The following SLC30A8 variants were observed in gnomAD, a reference collection of about 807,000 sequenced individuals.
The protein encoded by SLC30A8 is proton-coupled zinc antiporter SLC30A8.
Under a neutral mutation model 36.9 loss-of-function variants are expected in SLC30A8, and 27 were observed. That is an observed-to-expected ratio of 0.73 (90% CI 0.54 to 1.01). The LOEUF (loss-of-function observed/expected upper bound fraction) is 1.01, where lower values mean the gene tolerates loss of function less well. Among genes scored for constraint, SLC30A8 ranks in the 50% least tolerant of loss-of-function variants. The pLI, the probability that SLC30A8 is intolerant of heterozygous loss-of-function variation, is 0.00. For missense variants in SLC30A8, 439 were observed against 452.0 expected (o/e 0.97, Z 0.26); for synonymous variants, 164 against 172.4 (o/e 0.95, Z 0.38).
chr8:117,072,385 T>C (rs572036309), intron 2 of SLC30A8, among the ~76,000 whole-genome samples: 6 of 152,322 alleles, frequency 3.9e-5, no homozygotes, highest in African/African-American at 1.4e-4. Flanking sequence ...AATATGCAGA[T>C]ATAGTGAATA....
intron 2 of SLC30A8, among the ~76,000 whole-genome samples, chr8:117,123,864 T>C (rs145655336): frequency 4.7e-4 from 71 of 152,152 alleles, no homozygotes; most frequent in African/African-American, 1.4e-3. Context: ...TTTTGGAAAC[T>C]ATTGATGAGG....
At chr8:117,120,849 T>A (rs113613165) in intron 2 of SLC30A8, among the ~76,000 whole-genome samples, 1 of 151,620 alleles carries the variant, frequency 6.6e-6, no homozygotes, top group African/African-American at 2.4e-5. Context: ...TCCAAAAAAA[T>A]ATATTCAAAG....
intron 2 of SLC30A8, among the ~76,000 whole-genome samples, chr8:117,092,861 G>C (rs1438352341): frequency 6.6e-6 from 1 of 152,196 alleles, no homozygotes; most frequent in Non-Finnish European, 1.5e-5. Flanking sequence ...ACTGGAGTGA[G>C]AGTCAACTTA....
At chr8:117,130,962 A>G (rs1212703434), upstream of SLC30A8, among the ~76,000 whole-genome samples, 1 of 151,994 alleles carries the variant, frequency 6.6e-6, no homozygotes, top group Non-Finnish European at 1.5e-5. Flanking sequence ...CATCTATGAG[A>G]CTTAATAAAA....
At chr8:117,106,832 A>G (rs1217557551) in intron 2 of SLC30A8, among the ~76,000 whole-genome samples, 7 of 152,194 alleles carry the variant, frequency 4.6e-5, no homozygotes, top group Admixed American at 4.6e-4. Context: ...ATTTTCTTTC[A>G]GGAGCTAGTT....
At chr8:117,081,458 C>G (rs1201944710) in intron 2 of SLC30A8, among the ~76,000 whole-genome samples, 5 of 152,188 alleles carry the variant, frequency 3.3e-5, no homozygotes, top group Non-Finnish European at 7.3e-5. Context: ...GGACATTAGT[C>G]AGATTGGATT....
chr8:117,085,027 G>A lies in SLC30A8; in HGVS notation c.-226+45769G>A, dbSNP rs544338724. 5.3e-5 allele frequency among the ~76,000 whole-genome samples: 8 copies of A among 152,164 alleles called. No homozygotes were observed. The East Asian group carries it at 1.5e-3, about 29-fold the overall frequency. ...AATGTTCAAATCCTTCCTTTGATGA[G>A]GTTCAAGGAATTGATTCTGTTTCTG... On this transcript the variant is annotated intron_variant, in intron 2 of 10. Coordinates refer to the SLC30A8 transcript ENST00000427715.
intron 1 of SLC30A8, among the ~76,000 whole-genome samples, chr8:117,141,353 A>G (rs1284011212): frequency 3.3e-5 from 5 of 152,178 alleles, no homozygotes; most frequent in Non-Finnish European, 7.4e-5. Context: ...CAGTAATGCA[A>G]GCTTAATTTA....
chr8:116,967,219 T>G (rs1277270152), intron 1 of SLC30A8, among the ~76,000 whole-genome samples: 1 of 152,104 alleles, frequency 6.6e-6, no homozygotes, highest in Non-Finnish European at 1.5e-5. Context: ...TAGCCTAAAT[T>G]TAAAAACACA....
intron 2 of SLC30A8, among the ~76,000 whole-genome samples, chr8:117,047,799 A>G (rs1272651810): frequency 6.6e-6 from 1 of 152,184 alleles, no homozygotes; most frequent in Non-Finnish European, 1.5e-5. Flanking sequence ...AGCACAAGAT[A>G]CAGGTCAAAA....
intron 1 of SLC30A8, among the ~76,000 whole-genome samples, chr8:116,975,501 A>G (rs1233804154): frequency 1.3e-5 from 2 of 152,206 alleles, no homozygotes; most frequent in African/African-American, 4.8e-5. Context: ...TATTAAGGCT[A>G]GAAGGCTGGA....
At chr8:117,160,402 CTT>C (rs1491336868) in intron 4 of SLC30A8, among the ~76,000 whole-genome samples, 4 of 118,828 alleles carry the variant, frequency 3.4e-5, no homozygotes, top group African/African-American at 1.1e-4. Context: ...GAATTTTCCA[CTT>C]GTGTGTGTGT....
intron 2 of SLC30A8, among the ~76,000 whole-genome samples, chr8:117,086,814 A>C (rs1162283110): frequency 6.6e-6 from 1 of 152,200 alleles, no homozygotes; most frequent in Non-Finnish European, 1.5e-5. Flanking sequence ...AGTACACTCT[A>C]CTCATCCTGA....
intron 2 of SLC30A8, among the ~76,000 whole-genome samples, chr8:117,088,486 G>C (rs907271369): frequency 6.6e-6 from 1 of 151,992 alleles, no homozygotes. Flanking sequence ...CTGCTACTTC[G>C]TAAGTATTCC....
At chr8:117,118,630 A>G (rs1404962111) in intron 2 of SLC30A8, among the ~76,000 whole-genome samples, 2 of 151,894 alleles carry the variant, frequency 1.3e-5, no homozygotes, top group Non-Finnish European at 2.9e-5. Context: ...AGCCTAATGT[A>G]TATTTGGTAG....
At chr8:117,165,533 T>C (rs1369653995) in intron 6 of SLC30A8, among the ~76,000 whole-genome samples, 2 of 152,172 alleles carry the variant, frequency 1.3e-5, no homozygotes, top group Non-Finnish European at 2.9e-5. Flanking sequence ...AACCATTCAG[T>C]AGTACTTGAA....
chr8:117,032,518 T>C (rs1172548324), intron 1 of SLC30A8, among the ~76,000 whole-genome samples: 2 of 152,220 alleles, frequency 1.3e-5, no homozygotes, highest in African/African-American at 4.8e-5. Flanking sequence ...CACTAAACAC[T>C]CAACATGTTT....
intron 1 of SLC30A8, among the ~76,000 whole-genome samples, chr8:117,027,576 G>A (rs946163402): frequency 2.0e-5 from 3 of 152,058 alleles, no homozygotes; most frequent in African/African-American, 4.8e-5. Flanking sequence ...GCTCTTACTA[G>A]GTGCCCAGTA....
intron 3 of SLC30A8, among the ~76,000 whole-genome samples, chr8:117,155,817 T>C (rs1010757123): frequency 1.3e-5 from 2 of 152,214 alleles, no homozygotes; most frequent in African/African-American, 4.8e-5. Context: ...TCTTAGCTTC[T>C]GGTGGTTTTC....
Sources: gnomAD v4.1 joint callset for allele counts (sites outside exome capture counted in the v4.1 genomes callset) on GRCh38, gnomAD v4.1.1 for gene constraint, MANE v1.5 for transcripts, NCBI Gene and HGNC (gene_info 2026-07-23, HGNC 2026-07-21) for gene names.